CXCL1: variants seen among roughly 807,000 people sequenced by gnomAD.
The protein encoded by CXCL1 is C-X-C motif chemokine ligand 1.
CXCL1 carries 9 observed loss-of-function variants against 11.7 expected under a neutral mutation model. The ratio of observed to expected loss-of-function variants is 0.77; its 90% CI spans 0.46 to 1.34. The LOEUF is 1.34. Among genes scored for constraint, CXCL1 ranks in the 40% most tolerant of loss-of-function variants. The pLI is 0.00. For synonymous variants in CXCL1, 78 were observed against 59.1 expected (o/e 1.32, Z -1.47); for missense variants, 146 against 138.1 (o/e 1.06, Z -0.29).
Position 73,869,444 on chromosome 4 carries a change from A to G in CXCL1, c.-27A>G. 1 of 1,543,690 alleles carries G rather than the reference A, an allele frequency of 6.5e-7. No homozygotes were observed. Among genetic ancestry groups the G allele is most frequent in the Non-Finnish European group, 8.7e-7 (1 of 1,147,336 alleles). ...TCGCCAGCTCTTCCGCTCCTCTCAC[A>G]GCCGCCAGACCCGCCTGCTGAGCCC... On this transcript the variant is annotated 5_prime_UTR_variant, in exon 1 of 4. Coordinates refer to ENST00000395761, the MANE Select transcript of CXCL1 (RefSeq NM_001511.4).
At chr4:73,869,823 C>T in intron 2 of CXCL1, 31 bp downstream of exon 2, 4 of 1,613,626 alleles carry the variant, frequency 2.5e-6, no homozygotes, top group Non-Finnish European at 3.4e-6. Flanking sequence ...CCTCTGCCAC[C>T]GCCGGGGTCC....
At position 73,869,655 on chromosome 4, in the gene CXCL1, C is replaced by T. The variant is rs372249273; in HGVS notation, c.101-14C>T. 6.2e-7 allele frequency: 1 copy of T among 1,614,148 alleles called. No individual in the cohort carries two copies. The highest frequency in any genetic ancestry group is 1.1e-5 in the South Asian group (1 of 91,086). On this transcript the variant is annotated splice_polypyrimidine_tract_variant and intron_variant, in intron 1 of 3. Coordinates refer to ENST00000395761, the MANE Select transcript of CXCL1 (RefSeq NM_001511.4). ...CGACAGCCTCGCTCAGTCAGTGAGT[C>T]TCTTCTTCCCTAGGAGCGTCCGTGG...
Position 73,869,469 on chromosome 4 carries a change from C to T in CXCL1, c.-2C>T, listed in dbSNP as rs978934651. ...AGCCGCCAGACCCGCCTGCTGAGCC[C>T]CATGGCCCGCGCTGCTCTCTCCGCC... On this transcript the variant is annotated 5_prime_UTR_variant, in exon 1 of 4. Coordinates refer to ENST00000395761, the MANE Select transcript of CXCL1 (RefSeq NM_001511.4). 6 of 1,557,652 alleles carry T rather than the reference C, an allele frequency of 3.9e-6. No homozygotes were observed. Among genetic ancestry groups the T allele is most frequent in the Non-Finnish European group, 5.2e-6 (6 of 1,152,952 alleles).
chr4:73,869,494 C>A lies in CXCL1; in HGVS notation c.24C>A (p.Ala8=). The change falls in exon 1 of 4, where the codon GCC becomes GCA. Residue 8 remains alanine (A), a synonymous_variant. Coordinates refer to ENST00000395761, the MANE Select transcript of CXCL1 (RefSeq NM_001511.4). ...CCATGGCCCGCGCTGCTCTCTCCGC[C>A]GCCCCCAGCAATCCCCGGCTCCTGC... MARAALS[A]APSNPRLLRV... 2.5e-6 allele frequency: 4 copies of A among 1,581,132 alleles called. No individual in the cohort carries two copies. In the South Asian group the frequency reaches 3.4e-5, roughly 13 times the overall value.
Position 73,869,760 on chromosome 4 carries a change from C to T in CXCL1, c.192C>T (p.Ser64=), listed in dbSNP as rs767200282. 1 of 1,614,036 alleles carries T rather than the reference C, an allele frequency of 6.2e-7. No homozygotes were observed. The highest frequency in any genetic ancestry group is 1.1e-5 in the South Asian group (1 of 91,086). Residue 64 remains serine (S), a synonymous_variant, in exon 2 of 4, where the codon TCC becomes TCT. Coordinates refer to ENST00000395761, the MANE Select transcript of CXCL1 (RefSeq NM_001511.4). The part of the protein sequence containing the change: ...PKNIQSVNVK[S]PGPHCAQTEV... ...ACATCCAAAGTGTGAACGTGAAGTC[C>T]CCCGGACCCCACTGCGCCCAAACCG...
At position 73,869,784 on chromosome 4, in the gene CXCL1, C is replaced by A; in HGVS notation, c.216C>A (p.Thr72=). Residue 72 remains threonine, a synonymous_variant, in exon 2 of 4, where the codon ACC becomes ACA. Coordinates refer to ENST00000395761, the MANE Select transcript of CXCL1 (RefSeq NM_001511.4). The part of the protein sequence containing the change: ...VKSPGPHCAQ[T]EVIATLKNGR... The stretch of plus-strand genomic sequence containing the variant: ...CCCCCGGACCCCACTGCGCCCAAAC[C>A]GAAGTCATGTAAGTCCCGCCCCGCG... The A allele has an allele frequency of 1.2e-6, 2 of 1,613,984 alleles. No individual in the cohort carries two copies. Among genetic ancestry groups the A allele is most frequent in the Non-Finnish European group, 8.5e-7 (1 of 1,179,904 alleles).
rs199795990 is a variant in CXCL1 at position 73,869,912 on chromosome 4, A to T, written c.231A>T (p.Thr77=). 8.1e-6 allele frequency: 13 copies of T among 1,613,822 alleles called. No homozygotes were observed. The highest frequency in any genetic ancestry group is 1.1e-5 in the Non-Finnish European group (13 of 1,179,986). ...PHCAQTEVIA[T]LKNGRKACLN... ...GATTCCCTTCCCTCTGCAGAGCCACACTCAAGAATGGGCGGAAAGCTTGCC... is the reference window on the plus strand; with the variant it reads ...GATTCCCTTCCCTCTGCAGAGCCACTCTCAAGAATGGGCGGAAAGCTTGCC... Residue 77 remains threonine, a synonymous_variant, in exon 3 of 4, where the codon ACA becomes ACT. Transcript: ENST00000395761.
At chr4:73,870,059 A>C in intron 3 of CXCL1, 70 bp downstream of exon 3, 3 of 1,479,716 alleles carry the variant, frequency 2.0e-6, no homozygotes, top group Non-Finnish European at 2.8e-6. Flanking sequence ...GTGCCCCCTA[A>C]AAATAAAATC....
Position 73,869,712 on chromosome 4 carries a change from C to A in CXCL1, c.144C>A (p.Thr48=), listed in dbSNP as rs181868085. 6.3e-4 allele frequency: 1,018 copies of A among 1,614,182 alleles called. 16 individuals carry two copies. The East Asian group carries it at 0.017, about 28-fold the overall frequency. The change falls in exon 2 of 4, where the codon ACC becomes ACA. Residue 48 remains threonine (T), a synonymous_variant. Coordinates refer to ENST00000395761, the MANE Select transcript of CXCL1 (RefSeq NM_001511.4). ...ATELRCQCLQ[T]LQGIHPKNIQ... is the part of the protein sequence containing the mutation. ...AACTGCGCTGCCAGTGCTTGCAGAC[C>A]CTGCAGGGAATTCACCCCAAGAACA... is the stretch of plus-strand genomic sequence containing the variant.
At position 73,870,710 on chromosome 4, in the gene CXCL1, G is replaced by T. The variant is rs1279522252; in HGVS notation, c.*174G>T. On this transcript the variant is annotated 3_prime_UTR_variant, in exon 4 of 4. Transcript: ENST00000395761. ...TATTTATTTATTCATTAGTTTTGAA[G>T]ATTCTATGTTAATATTTTAGGTGTA... 2.9e-6 allele frequency: 2 copies of T among 682,900 alleles called. No homozygotes were observed. The highest frequency in any genetic ancestry group is 3.6e-5 in the African/African-American group (2 of 54,918). The allele number at this position is 682,900 out of a possible 1,614,324, so 42.3% of individuals were successfully genotyped here.
chr4:73,870,415 A>G (rs545008720), intron 3 of CXCL1, 106 bp from the exon 4 acceptor site: 1 of 1,460,686 alleles, frequency 6.8e-7, no homozygotes, highest in South Asian at 1.2e-5. Context: ...GGCTGGGGAA[A>G]CTGCATTCGG....
intron 3 of CXCL1, chr4:73,870,281 T>C: frequency 1.6e-6 from 1 of 618,116 alleles, no homozygotes; most frequent in East Asian, 2.8e-5. Context: ...TCTGGCTGTT[T>C]TTAATCCAAT....
Position 73,869,954 on chromosome 4 carries a change from C to G in CXCL1, c.273C>G (p.Pro91=), listed in dbSNP as rs1560521472. The part of the protein sequence containing the change: ...GRKACLNPAS[P]IVKKIIEKML... ...AAGCTTGCCTCAATCCTGCATCCCC[C>G]ATAGTTAAGAAAATCATCGAAAAGA... Residue 91 remains proline, a synonymous_variant, in exon 3 of 4, where the codon CCC becomes CCG. Coordinates refer to ENST00000395761, the MANE Select transcript of CXCL1 (RefSeq NM_001511.4). The G allele has an allele frequency of 6.2e-7, 1 of 1,614,132 alleles. No homozygotes were observed. Among genetic ancestry groups the G allele is most frequent in the East Asian group, 2.2e-5 (1 of 44,858 alleles).
At chr4:73,870,498 G>T (rs752938293) in intron 3 of CXCL1, 23 bp from the exon 4 acceptor site, 2 of 1,613,762 alleles carry the variant, frequency 1.2e-6, no homozygotes, top group South Asian at 2.2e-5. Context: ...CACCTACTCA[G>T]GGCACCCATT....
Position 73,869,450 on chromosome 4 carries a change from C to T in CXCL1, c.-21C>T, listed in dbSNP as rs1185361972. 5 of 1,546,478 alleles carry T rather than the reference C, an allele frequency of 3.2e-6. No individual in the cohort carries two copies. The Admixed American group carries it at 7.8e-5, about 24-fold the overall frequency. On this transcript the variant is annotated 5_prime_UTR_variant, in exon 1 of 4. Coordinates refer to ENST00000395761, the MANE Select transcript of CXCL1 (RefSeq NM_001511.4). ...GCTCTTCCGCTCCTCTCACAGCCGCCAGACCCGCCTGCTGAGCCCCATGGC... is the reference window on the plus strand; with the variant it reads ...GCTCTTCCGCTCCTCTCACAGCCGCTAGACCCGCCTGCTGAGCCCCATGGC...
At chr4:73,870,313 C>T (rs1179050505) in intron 3 of CXCL1, 7 of 542,520 alleles carry the variant, frequency 1.3e-5, no homozygotes, top group Non-Finnish European at 6.6e-6. Context: ...GACCACCGCC[C>T]CACCCCACCC....
chr4:73,870,497 A>G, intron 3 of CXCL1, 24 bp from the exon 4 acceptor site: 1 of 1,613,758 alleles, frequency 6.2e-7, no homozygotes, highest in Non-Finnish European at 8.5e-7. Context: ...GCACCTACTC[A>G]GGGCACCCAT....
At position 73,869,698 on chromosome 4, in the gene CXCL1, C is replaced by T. The variant is rs758743363; in HGVS notation, c.130C>T (p.Gln44Ter). ...GASVATELRCQCLQTLQGIHP... is the reference protein window; with the variant it reads ...GASVATELRC ...GTCCGTGGCCACTGAACTGCGCTGC[C>T]AGTGCTTGCAGACCCTGCAGGGAAT... The change falls in exon 2 of 4, where the codon CAG becomes TAG. Residue 44 changes from glutamine (Q) to a stop codon, truncating the protein, a stop_gained. Transcript: ENST00000395761. LOFTEE classifies it high-confidence loss of function. The T allele has an allele frequency of 3.7e-6, 6 of 1,614,204 alleles. No individual in the cohort carries two copies. Among genetic ancestry groups the T allele is most frequent in the Non-Finnish European group, 5.1e-6 (6 of 1,180,028 alleles).
intron 3 of CXCL1, 59 bp downstream of exon 3, chr4:73,870,048 T>G (rs1731912430): frequency 6.6e-7 from 1 of 1,521,398 alleles, no homozygotes; most frequent in Non-Finnish European, 9.1e-7. Context: ...AATACTGGCA[T>G]GTGCCCCCTA....
Sources: allele counts gnomAD v4.1 joint callset, GRCh38; gene constraint gnomAD v4.1.1; transcripts MANE v1.5; gene names NCBI Gene and HGNC (gene_info 2026-07-23, HGNC 2026-07-21).